The following ABCA12 variants were observed in gnomAD, a reference collection of about 807,000 sequenced individuals.
ABCA12 encodes glucosylceramide transporter ABCA12.
Under a neutral mutation model 293.5 loss-of-function variants are expected in ABCA12, and 156 were observed. The ratio of observed to expected loss-of-function variants is 0.53; its 90% CI spans 0.47 to 0.61. The LOEUF (loss-of-function observed/expected upper bound fraction) is 0.61, where lower values mean the gene tolerates loss of function less well. Among genes scored for constraint, ABCA12 ranks in the 20% least tolerant of loss-of-function variants. The pLI is 0.00. For missense variants in ABCA12, 2,797 were observed against 3,090.2 expected (o/e 0.91, Z 2.25); for synonymous variants, 1,063 against 1,108.0 (o/e 0.96, Z 0.81).
At chr2:215,044,190 A>G (rs13422613) in intron 7 of ABCA12, among the ~76,000 whole-genome samples, 21,840 of 152,028 alleles carry the variant, frequency 0.14, 4,723 homozygotes, top group African/African-American at 0.47. Flanking sequence ...AGTAGAATGC[A>G]GCCTCATACG....
Position 214,959,029 on chromosome 2 carries a change from T to C in ABCA12, c.5934A>G (p.Gln1978=). 6.2e-7 allele frequency: 1 copy of C among 1,613,812 alleles called. No homozygotes were observed. The highest frequency in any genetic ancestry group is 8.5e-7 in the Non-Finnish European group (1 of 1,179,722). ...TGCTAGAGATATCTGCTTACGTGGC[T>C]TGTTCTTGGTCTTGCACTCCTGGAT... is the stretch of plus-strand genomic sequence containing the variant. ...HPYPGVQDQE[Q]ATISSLIDIL... is the part of the protein sequence containing the mutation. The change falls in exon 40 of 53, where the codon CAA becomes CAG. Residue 1978 remains glutamine (Q), a synonymous_variant. Coordinates refer to ENST00000272895, the MANE Select transcript of ABCA12 (RefSeq NM_173076.3).
rs1700126022 is a variant in ABCA12, at chr2:215,000,747, ACTG to A, written c.3134_3136del (p.Ala1045del). ...GGGATAAGGAATTGCTTGAACCTGG[ACTG>A]CTATTTCCTGGGAGTTCCTTCCAGT... On this transcript the variant is annotated inframe_deletion, in exon 22 of 53. Coordinates refer to ENST00000272895, the MANE Select transcript of ABCA12 (RefSeq NM_173076.3). 1 of 1,614,118 alleles carries A rather than the reference ACTG, an allele frequency of 6.2e-7. No homozygotes were observed. Among genetic ancestry groups the A allele is most frequent in the Non-Finnish European group, 8.5e-7 (1 of 1,179,972 alleles).
intron 1 of ABCA12, among the ~76,000 whole-genome samples, chr2:215,133,463 G>A (rs1458083124): frequency 6.6e-6 from 1 of 151,756 alleles, no homozygotes; most frequent in Non-Finnish European, 1.5e-5. Context: ...CATCTTAATG[G>A]AAGACAAACT....
intron 49 of ABCA12, among the ~76,000 whole-genome samples, chr2:214,943,946 C>T (rs531298334): frequency 1.3e-5 from 2 of 152,268 alleles, no homozygotes; most frequent in East Asian, 3.9e-4. Flanking sequence ...ATAATGCAAA[C>T]ATAAACTTAA....
intron 8 of ABCA12, among the ~76,000 whole-genome samples, chr2:215,035,185 G>C (rs1374835292): frequency 6.6e-6 from 1 of 152,144 alleles, no homozygotes; most frequent in Non-Finnish European, 1.5e-5. Context: ...TGCTCAAACA[G>C]GTAGGGTTTT....
rs747596691 is a variant in ABCA12 at position 215,068,011 on chromosome 2, C to G, written c.164-3792G>C. Among the ~76,000 whole-genome samples the G allele has an allele frequency of 9.9e-5, 15 of 152,244 alleles. No homozygotes were observed. In the Middle Eastern group the frequency reaches 0.01, roughly 104 times the overall value. ...CAATGGATATATGTAATGTTTACCT[C>G]AAAGGGAGATCAATTTTGATTTTCC... is the stretch of plus-strand genomic sequence containing the variant. On this transcript the variant is annotated intron_variant, in intron 2 of 52. Transcript: ENST00000272895.
At chr2:215,129,103 T>C (rs1702994507) in intron 1 of ABCA12, among the ~76,000 whole-genome samples, 1 of 152,198 alleles carries the variant, frequency 6.6e-6, no homozygotes. Context: ...TACCCGGCTC[T>C]GGACTAGTAC....
chr2:214,959,157 C>A (rs2105937950), intron 39 of ABCA12, 79 bp from the exon 40 acceptor site: 1 of 1,168,944 alleles, frequency 8.6e-7, no homozygotes, highest in South Asian at 1.2e-5. Context: ...TAATATTCAA[C>A]ACTTTCCTCC....
At chr2:214,985,321 A>G (rs1489088193) in intron 28 of ABCA12, among the ~76,000 whole-genome samples, 1 of 152,280 alleles carries the variant, frequency 6.6e-6, no homozygotes, top group East Asian at 1.9e-4. Flanking sequence ...CCAAATACAA[A>G]TATGTTCTCA....
intron 51 of ABCA12, among the ~76,000 whole-genome samples, chr2:214,936,556 A>G (rs1418370105): frequency 6.6e-6 from 1 of 152,234 alleles, no homozygotes; most frequent in East Asian, 1.9e-4. Flanking sequence ...AGATGTAATA[A>G]TGACAAATTT....
chr2:214,957,162 C>T (rs1698977170), intron 41 of ABCA12, among the ~76,000 whole-genome samples: 1 of 152,182 alleles, frequency 6.6e-6, no homozygotes, highest in Non-Finnish European at 1.5e-5. Context: ...CTGGAACTTT[C>T]TCAGATGGTT....
At chr2:215,131,949 T>G (rs1703068737) in intron 1 of ABCA12, among the ~76,000 whole-genome samples, 1 of 151,922 alleles carries the variant, frequency 6.6e-6, no homozygotes, top group South Asian at 2.1e-4. Flanking sequence ...TTATTTTTAT[T>G]TGTTTTGCAT....
intron 2 of ABCA12, among the ~76,000 whole-genome samples, chr2:215,107,752 C>T (rs1702492168): frequency 6.6e-6 from 1 of 152,168 alleles, no homozygotes; most frequent in African/African-American, 2.4e-5. Flanking sequence ...ACAGACCTGC[C>T]TGACTCTTCT....
rs188755367 is a variant in ABCA12, at chr2:215,133,214, G to A, written c.69+4926C>T. On this transcript the variant is annotated intron_variant, in intron 1 of 52. Coordinates refer to ENST00000272895, the MANE Select transcript of ABCA12 (RefSeq NM_173076.3). ...TAGTATGGACTTTGGATGATCTGGT[G>A]ACTACATGAGTTGGTGACGTTTGGC... 5.2e-5 allele frequency among the ~76,000 whole-genome samples: 6 copies of A among 116,294 alleles called. No homozygotes were observed. In the East Asian group the frequency reaches 1.7e-3, roughly 34 times the overall value. The allele number at this position is 116,294 out of a possible 152,430, so 76.3% of individuals were successfully genotyped here. A position where few individuals can be genotyped will look rare whatever the true frequency, so the allele number is the denominator to read the frequency against.
intron 51 of ABCA12, among the ~76,000 whole-genome samples, chr2:214,935,445 C>T (rs1574918124): frequency 6.6e-6 from 1 of 152,140 alleles, no homozygotes; most frequent in Non-Finnish European, 1.5e-5. Flanking sequence ...AGAAAGATGT[C>T]CTTTTACTTT....
At chr2:215,050,933 T>C (rs1027933542) in intron 5 of ABCA12, 2 of 429,430 alleles carry the variant, frequency 4.7e-6, no homozygotes, top group Non-Finnish European at 6.2e-6. Flanking sequence ...CCAACTACTC[T>C]AAAAATATGT....
chr2:215,104,020 A>G (rs542655453), intron 2 of ABCA12, among the ~76,000 whole-genome samples: 1 of 152,244 alleles, frequency 6.6e-6, no homozygotes, highest in African/African-American at 2.4e-5. Flanking sequence ...TAAATATTCA[A>G]CCATTCATCT....
rs764933199 is a variant in ABCA12, at chr2:214,986,623, A to G, written c.4082T>C (p.Val1361Ala). The G allele has an allele frequency of 6.9e-5, 111 of 1,614,002 alleles. No individual in the cohort carries two copies. The highest frequency in any genetic ancestry group is 7.7e-5 in the Non-Finnish European group (91 of 1,180,002). Reference sequence around the variant, plus strand: ...ATAAAAGTTCAGATTGAGGTTATCAACAGCAACTTTTGAGCCATAGATCTT... The same window carrying G: ...ATAAAAGTTCAGATTGAGGTTATCAGCAGCAACTTTTGAGCCATAGATCTT... The part of the protein sequence containing the change: ...VTKIYGSKVA[V>A]DNLNLNFYEG... The change falls in exon 28 of 53, where the codon GTT becomes GCT. Residue 1361 changes from valine to alanine, a missense_variant. This residue lies in a region of ABCA12 where 2,130 missense variants were observed against 2,427.0 expected (regional missense o/e 0.88). Coordinates refer to ENST00000272895, the MANE Select transcript of ABCA12 (RefSeq NM_173076.3).
At position 215,093,741 on chromosome 2, in the gene ABCA12, C is replaced by T. The variant is rs537281221; in HGVS notation, c.163+17856G>A. On this transcript the variant is annotated intron_variant, in intron 2 of 52. Coordinates refer to ENST00000272895, the MANE Select transcript of ABCA12 (RefSeq NM_173076.3). ...CACCTGATGCATATACTTTTTGCCC[C>T]CTGGCTCCTTCAGCTGTACTCACTC... Among the ~76,000 whole-genome samples, 5 of 152,194 alleles carry T rather than the reference C, an allele frequency of 3.3e-5. No homozygotes were observed. The South Asian group carries it at 1.0e-3, about 32-fold the overall frequency.
Sources: allele counts gnomAD v4.1 joint callset (sites outside exome capture counted in the v4.1 genomes callset), GRCh38; gene constraint gnomAD v4.1.1; regional missense constraint gnomAD v4.1.1; transcripts MANE v1.5; gene names NCBI Gene and HGNC (gene_info 2026-07-23, HGNC 2026-07-21).